Variants in ROBO2 observed in about 807,000 individuals in gnomAD.
ROBO2 encodes roundabout guidance receptor 2, also known as roundabout homolog 2.
ROBO2 carries 53 observed loss-of-function variants against 160.8 expected under a neutral mutation model. The observed-to-expected ratio is 0.33, with a 90% CI of 0.26 to 0.41. The LOEUF is 0.41. ROBO2 is among the 10% of genes least tolerant of loss of function. ROBO2 has a pLI of 1.00. For synonymous variants in ROBO2, 664 were observed against 611.7 expected (o/e 1.09, Z -1.26); for missense variants, 1,577 against 1,722.4 (o/e 0.92, Z 1.49).
intron 2 of ROBO2, among the ~76,000 whole-genome samples, chr3:76,004,297 A>G (rs548701467): frequency 6.6e-6 from 1 of 152,324 alleles, no homozygotes; most frequent in African/African-American, 2.4e-5. Flanking sequence ...ATAGTATATG[A>G]TTCAATTTTT....
intron 2 of ROBO2, among the ~76,000 whole-genome samples, chr3:76,095,418 A>G (rs1418758566): frequency 2.0e-5 from 3 of 152,116 alleles, no homozygotes; most frequent in Non-Finnish European, 4.4e-5. Context: ...ATATAATAAA[A>G]GAAAAAAAAT....
chr3:77,014,809 T>C (rs2062138784), intron 2 of ROBO2, among the ~76,000 whole-genome samples: 1 of 152,102 alleles, frequency 6.6e-6, no homozygotes, highest in African/African-American at 2.4e-5. Context: ...AAAGCCAGCT[T>C]ACATGAACAA....
intron 2 of ROBO2, among the ~76,000 whole-genome samples, chr3:76,805,617 G>A (rs1207938514): frequency 1.3e-5 from 2 of 151,640 alleles, no homozygotes; most frequent in East Asian, 3.9e-4. Context: ...GATCAGAAAA[G>A]CGATATAAAG....
chr3:76,331,768 C>T (rs1354875356), intron 2 of ROBO2, among the ~76,000 whole-genome samples: 2 of 150,916 alleles, frequency 1.3e-5, no homozygotes, highest in Admixed American at 6.6e-5. Flanking sequence ...ACTGCAACTT[C>T]TGCCACCCAG....
chr3:76,363,448 G>C (rs548416878), intron 2 of ROBO2, among the ~76,000 whole-genome samples: 9 of 152,124 alleles, frequency 5.9e-5, no homozygotes, highest in African/African-American at 2.2e-4. Context: ...TTATCTAAAG[G>C]ATATCGTAAC....
At chr3:76,897,512 A>T (rs1553683668) in intron 2 of ROBO2, among the ~76,000 whole-genome samples, 1 of 152,168 alleles carries the variant, frequency 6.6e-6, no homozygotes, top group Non-Finnish European at 1.5e-5. Flanking sequence ...GCAGATGTTG[A>T]TGTAAAGTGC....
chr3:76,151,812 TATC>T lies in ROBO2; in HGVS notation c.109+214229_109+214231del, dbSNP rs146056044. Reference sequence around the variant, plus strand: ...CATTTCTGTCTTTGTTATTATTATGTATCATCATCATCATCATCATCGGAAGGA... The same window carrying T: ...CATTTCTGTCTTTGTTATTATTATGTATCATCATCATCATCATCGGAAGGA... On this transcript the variant is annotated intron_variant, in intron 2 of 26. Coordinates refer to the ROBO2 transcript ENST00000487694. Among the ~76,000 whole-genome samples the T allele has an allele frequency of 2.6e-4, 40 of 152,104 alleles. No individual in the cohort carries two copies. The East Asian group carries it at 2.9e-3, about 11-fold the overall frequency.
chr3:76,038,330 T>G (rs1383745721), intron 2 of ROBO2, among the ~76,000 whole-genome samples: 1 of 151,922 alleles, frequency 6.6e-6, no homozygotes, highest in Non-Finnish European at 1.5e-5. Flanking sequence ...AAAGAAATTA[T>G]GAGGAACTTC....
chr3:76,402,471 C>T (rs557556984), intron 2 of ROBO2, among the ~76,000 whole-genome samples: 128 of 151,646 alleles, frequency 8.4e-4, no homozygotes, highest in African/African-American at 3.0e-3. Flanking sequence ...AGTAGATTAG[C>T]AAGAACTTAT....
At chr3:76,538,633 T>G (rs767948984) in intron 2 of ROBO2, among the ~76,000 whole-genome samples, 1 of 152,190 alleles carries the variant, frequency 6.6e-6, no homozygotes, top group African/African-American at 2.4e-5. Context: ...GCAGGATTGC[T>G]ACAGAGGGAA....
intron 2 of ROBO2, among the ~76,000 whole-genome samples, chr3:77,304,610 C>T (rs996623141): frequency 1.3e-5 from 2 of 152,172 alleles, no homozygotes; most frequent in Admixed American, 1.3e-4. Flanking sequence ...GAATGATTTT[C>T]CATCACTGAA....
At chr3:76,188,125 C>A (rs552839723) in intron 2 of ROBO2, among the ~76,000 whole-genome samples, 377 of 152,084 alleles carry the variant, frequency 2.5e-3, no homozygotes, top group Non-Finnish European at 4.4e-3. Flanking sequence ...CTTTATATTG[C>A]TTTTTAGTTG....
At chr3:75,999,539 A>T (rs960363083) in intron 2 of ROBO2, among the ~76,000 whole-genome samples, 1 of 152,170 alleles carries the variant, frequency 6.6e-6, no homozygotes, top group African/African-American at 2.4e-5. Context: ...ATATTACGTT[A>T]TAAAGATATT....
chr3:77,305,186 A>G (rs1449598887), intron 2 of ROBO2, among the ~76,000 whole-genome samples: 1 of 152,246 alleles, frequency 6.6e-6, no homozygotes, highest in Non-Finnish European at 1.5e-5. Context: ...GTTTTGTAAC[A>G]TTTGAAAAAT....
intron 2 of ROBO2, among the ~76,000 whole-genome samples, chr3:77,278,948 C>T (rs780510077): frequency 1.3e-5 from 2 of 152,086 alleles, no homozygotes; most frequent in Admixed American, 6.6e-5. Flanking sequence ...CATTAGTTAA[C>T]CGCTTACTAA....
At chr3:77,470,461 T>C (rs767210847) in intron 2 of ROBO2, among the ~76,000 whole-genome samples, 1 of 152,200 alleles carries the variant, frequency 6.6e-6, no homozygotes, top group Non-Finnish European at 1.5e-5. Context: ...TAAATTCTAG[T>C]GTCAGACACA....
chr3:76,746,229 A>G (rs1560487467), intron 2 of ROBO2, among the ~76,000 whole-genome samples: 3 of 151,764 alleles, frequency 2.0e-5, no homozygotes, highest in African/African-American at 7.3e-5. Context: ...AATCCAGTCT[A>G]TCATTGTTGG....
At chr3:76,077,900 C>A (rs1175972921) in intron 2 of ROBO2, among the ~76,000 whole-genome samples, 1 of 152,156 alleles carries the variant, frequency 6.6e-6, no homozygotes, top group Non-Finnish European at 1.5e-5. Flanking sequence ...TGCCAACTTC[C>A]ATTGATAACC....
At chr3:76,244,209 TGA>T (rs1705477798) in intron 2 of ROBO2, among the ~76,000 whole-genome samples, 1 of 152,194 alleles carries the variant, frequency 6.6e-6, no homozygotes, top group Admixed American at 6.5e-5. Flanking sequence ...CAATAGAACT[TGA>T]GAGACTGCTC....
Sources: allele counts gnomAD v4.1 joint callset (sites outside exome capture counted in the v4.1 genomes callset), GRCh38; gene constraint gnomAD v4.1.1; transcripts MANE v1.5; gene names NCBI Gene and HGNC (gene_info 2026-07-23, HGNC 2026-07-21).